MYOM1: variants seen among roughly 807,000 people sequenced by gnomAD.
MYOM1 encodes myomesin 1, also known as myomesin-1.
A neutral mutation model predicts 205.3 loss-of-function variants in MYOM1; 164 were observed. The observed-to-expected ratio is 0.80, with a 90% CI of 0.70 to 0.91. The LOEUF (loss-of-function observed/expected upper bound fraction) is 0.91. MYOM1 is among the 40% of genes least tolerant of loss of function. The probability of loss-of-function intolerance (pLI) is 0.00; values close to 1 mark genes in which losing one functional copy is unlikely to be tolerated. For synonymous variants in MYOM1, 772 were observed against 789.4 expected, an observed-to-expected ratio of 0.98 and a Z score of 0.37; for missense variants, 2,011 against 2,127.3, an observed-to-expected ratio of 0.95 and a Z score of 1.08.
intron 10 of MYOM1, among the ~76,000 whole-genome samples, chr18:3,160,087 C>CCTTCTT (rs1245975896): frequency 8.3e-6 from 1 of 120,304 alleles, no homozygotes. Context: ...TCCTCCTCCT[C>CCTTCTT]CTTCTTCTCC....
intron 1 of MYOM1, among the ~76,000 whole-genome samples, 166 bp from the exon 2 acceptor site, chr18:3,215,417 C>A (rs538664590): frequency 6.6e-6 from 1 of 152,120 alleles, no homozygotes; most frequent in South Asian, 2.1e-4. Flanking sequence ...ATCAACCTGG[C>A]CAACACAGTG....
chr18:3,077,785 G>C (rs555061350), intron 34 of MYOM1, among the ~76,000 whole-genome samples: 1 of 152,200 alleles, frequency 6.6e-6, no homozygotes, highest in African/African-American at 2.4e-5. Context: ...GTCAGATGGA[G>C]TGTGGAATGA....
the MYOM1 span, chr18:3,247,374 A>T: frequency 6.6e-6 from 1 of 152,262 alleles, no homozygotes; most frequent in Non-Finnish European, 1.5e-5. Flanking sequence ...GCGCAGGCGC[A>T]CTACCGCCCA....
chr18:3,162,508 C>T (rs1489774233), intron 10 of MYOM1, among the ~76,000 whole-genome samples: 6 of 152,318 alleles, frequency 3.9e-5, no homozygotes, highest in East Asian at 3.9e-4. Flanking sequence ...GACACTGGCA[C>T]TTTCCCACGT....
chr18:3,119,419 G>A (rs543696406), intron 20 of MYOM1, among the ~76,000 whole-genome samples: 159 of 152,244 alleles, frequency 1.0e-3, no homozygotes, highest in African/African-American at 3.5e-3. Flanking sequence ...GAGATTTTGG[G>A]GGGCTAATAA....
At chr18:3,125,469 T>C (rs1399993709) in intron 19 of MYOM1, among the ~76,000 whole-genome samples, 3 of 151,882 alleles carry the variant, frequency 2.0e-5, no homozygotes, top group African/African-American at 7.3e-5. Context: ...AAAATACAAT[T>C]TTGTATAGGC....
chr18:3,225,290 G>T, the MYOM1 span, among the ~76,000 whole-genome samples: 1 of 152,186 alleles, frequency 6.6e-6, no homozygotes, highest in African/African-American at 2.4e-5. Flanking sequence ...CCAGGCCTGG[G>T]ATTACTTTTT....
At chr18:3,159,891 TTCC>T (rs1598732955) in intron 10 of MYOM1, among the ~76,000 whole-genome samples, 597 of 55,406 alleles carry the variant, frequency 0.011, 12 homozygotes, top group South Asian at 0.072. Flanking sequence ...CCTTCCTTCC[TTCC>T]TTCCTTCCTT....
intron 19 of MYOM1, among the ~76,000 whole-genome samples, chr18:3,124,903 A>G (rs2079757597): frequency 6.6e-6 from 1 of 152,250 alleles, no homozygotes; most frequent in Non-Finnish European, 1.5e-5. Context: ...AATTAAAGTC[A>G]GAGAAGATGT....
At chr18:3,232,702 T>C in the MYOM1 span, among the ~76,000 whole-genome samples, 1 of 152,248 alleles carries the variant, frequency 6.6e-6, no homozygotes, top group Non-Finnish European at 1.5e-5. Context: ...ATTCAACTTA[T>C]TATGCTTTAT....
chr18:3,081,259 G>A (rs1028293187), intron 33 of MYOM1, among the ~76,000 whole-genome samples: 9 of 152,128 alleles, frequency 5.9e-5, no homozygotes, highest in African/African-American at 2.2e-4. Context: ...ATGTGCTTCC[G>A]ATGGAATAGG....
At position 3,188,776 on chromosome 18, in the gene MYOM1, T is replaced by G; in HGVS notation, c.743A>C (p.Lys248Thr). The change falls in exon 4 of 38, where the codon AAG (lysine) becomes ACG (threonine). Residue 248 changes from lysine to threonine, a missense_variant. Physicochemically the swap from Lys to Thr is moderately conservative, Grantham distance 78. Coordinates refer to ENST00000356443, the MANE Select transcript of MYOM1 (RefSeq NM_003803.4). ...TTTCCTCAGGGACAGGCGTTCTGCC[T>G]TTTCTCGAATCACAACTTTCCTTGA... Reference protein sequence around the residue: ...KKSRKVVIREKAERLSLRKTL... With the variant: ...KKSRKVVIRETAERLSLRKTL... 1 of 1,600,232 alleles carries G rather than the reference T, an allele frequency of 6.2e-7. No homozygotes were observed. Among genetic ancestry groups the G allele is most frequent in the Non-Finnish European group, 8.5e-7 (1 of 1,171,206 alleles).
intron 6 of MYOM1, 52 bp downstream of exon 6, chr18:3,175,990 G>A: frequency 8.6e-7 from 1 of 1,158,604 alleles, no homozygotes; most frequent in East Asian, 2.4e-5. Flanking sequence ...GCAGGGGTGA[G>A]AAGCCTCCCT....
intron 19 of MYOM1, among the ~76,000 whole-genome samples, chr18:3,123,471 G>A (rs2079728154): frequency 6.6e-6 from 1 of 151,808 alleles, no homozygotes; most frequent in Non-Finnish European, 1.5e-5. Flanking sequence ...ACTTTAATAA[G>A]AGGCTTTAAA....
chr18:3,101,967 T>C (rs79464613), intron 23 of MYOM1, among the ~76,000 whole-genome samples: 10,527 of 149,040 alleles, frequency 0.071, 479 homozygotes, highest in East Asian at 0.24. Context: ...ATTTCAGGTG[T>C]GAGCCAATGA....
intron 13 of MYOM1, among the ~76,000 whole-genome samples, chr18:3,144,063 G>A (rs189036399): frequency 1.2e-4 from 18 of 151,904 alleles, no homozygotes; most frequent in African/African-American, 2.2e-4. Context: ...AAAATTAGCC[G>A]GGCATTGTGG....
intron 19 of MYOM1, among the ~76,000 whole-genome samples, chr18:3,125,673 C>T (rs1375707286): frequency 6.6e-6 from 1 of 152,112 alleles, no homozygotes; most frequent in Non-Finnish European, 1.5e-5. Flanking sequence ...GGGCAGCTGT[C>T]ATCCCTGGCC....
intron 6 of MYOM1, among the ~76,000 whole-genome samples, 165 bp downstream of exon 6, chr18:3,175,877 T>A (rs1056040592): frequency 6.6e-6 from 1 of 152,308 alleles, no homozygotes; most frequent in East Asian, 1.9e-4. Context: ...GGATCAGTCA[T>A]ACATATCACT....
chr18:3,075,868 C>G (rs192443817), intron 34 of MYOM1, 107 bp from the exon 35 acceptor site: 5 of 969,254 alleles, frequency 5.2e-6, no homozygotes, highest in African/African-American at 1.6e-5. Context: ...CCAGACATGA[C>G]TAAACCGACT....
Sources: gnomAD v4.1 joint callset for allele counts (sites outside exome capture counted in the v4.1 genomes callset) on GRCh38, gnomAD v4.1.1 for gene constraint, MANE v1.5 for transcripts, NCBI Gene and HGNC (gene_info 2026-07-23, HGNC 2026-07-21) for gene names.